The following SLC11A2 variants were observed in gnomAD, a reference collection of about 807,000 sequenced individuals.
The protein encoded by SLC11A2 is solute carrier family 11 member 2.
SLC11A2 carries 38 observed loss-of-function variants against 68.0 expected under a neutral mutation model. The ratio of observed to expected loss-of-function variants is 0.56; its 90% CI spans 0.43 to 0.73. The LOEUF is 0.73. Ranked by LOEUF, SLC11A2 falls within the 30% of genes least tolerant of loss-of-function variation. The pLI, the probability that SLC11A2 is intolerant of heterozygous loss-of-function variation, is 0.00. For missense variants in SLC11A2, 517 were observed against 690.5 expected (o/e 0.75, Z 2.82); for synonymous variants, 242 against 250.6 (o/e 0.97, Z 0.32).
chr12:51,008,189 A>T (rs1200831931), intron 3 of SLC11A2: 2 of 344,142 alleles, frequency 5.8e-6, no homozygotes, highest in Non-Finnish European at 1.1e-5. Context: ...TAGATGACAG[A>T]GCAAGACCCT....
chr12:50,982,900 C>T (rs1940173189), downstream of SLC11A2, among the ~76,000 whole-genome samples: 1 of 149,018 alleles, frequency 6.7e-6, no homozygotes, highest in South Asian at 2.1e-4. Context: ...GAGATCATGC[C>T]ACTGCACTCC....
Position 51,010,681 on chromosome 12 carries a change from A to T in SLC11A2, c.34+14T>A. 7.0e-7 allele frequency: 1 copy of T among 1,433,440 alleles called. No homozygotes were observed. The allele number at this position is 1,433,440 out of a possible 1,614,324, so 88.8% of individuals were successfully genotyped here. On this transcript the variant is annotated intron_variant, in intron 2 of 15. Coordinates refer to ENST00000262052, the MANE Select transcript of SLC11A2 (RefSeq NM_000617.3). The stretch of plus-strand genomic sequence containing the variant: ...ACAAATAAAATTAGACAATAACACA[A>T]AGCGGTAAATTACCATCTGACATCT...
chr12:51,010,050 G>A (rs961878941), intron 2 of SLC11A2, among the ~76,000 whole-genome samples: 15 of 151,876 alleles, frequency 9.9e-5, no homozygotes, highest in African/African-American at 3.1e-4. Context: ...CGGGCGTGGC[G>A]GCAGGTGCCT....
At chr12:50,972,843 T>C in the SLC11A2 span, among the ~76,000 whole-genome samples, 2 of 152,240 alleles carry the variant, frequency 1.3e-5, no homozygotes, top group Admixed American at 6.5e-5. Flanking sequence ...CAGGAGATTA[T>C]ATCCCGCGCA....
intron 9 of SLC11A2, among the ~76,000 whole-genome samples, chr12:50,996,458 C>T (rs1470156855): frequency 6.6e-6 from 1 of 151,850 alleles, no homozygotes; most frequent in Non-Finnish European, 1.5e-5. Flanking sequence ...GCCTATAATC[C>T]CAGGTACTCA....
At position 50,991,439 on chromosome 12, in the gene SLC11A2, T is replaced by C. The variant is rs1438189524; in HGVS notation, c.1421+160A>G. On this transcript the variant is annotated intron_variant, in intron 14 of 15. Coordinates refer to ENST00000262052, the MANE Select transcript of SLC11A2 (RefSeq NM_000617.3). ...ACGTGCTTTCTCTTCCTTTACTATA[T>C]TCACAGTTTCCATTCTCTAAGCCAA... 5 of 672,174 alleles carry C rather than the reference T, an allele frequency of 7.4e-6. No individual in the cohort carries two copies. The African/African-American group carries it at 8.9e-5, about 12-fold the overall frequency. The allele number at this position is 672,174 out of a possible 1,614,324, so 41.6% of individuals were successfully genotyped here. A position where few individuals can be genotyped will look rare whatever the true frequency, so the allele number is the denominator to read the frequency against.
downstream of SLC11A2, chr12:50,980,050 A>C: frequency 2.4e-6 from 1 of 417,314 alleles, no homozygotes; most frequent in Non-Finnish European, 4.8e-6. Context: ...ACATGGTGAA[A>C]TCCCGTCTCT....
chr12:50,982,204 T>A (rs1350190230), downstream of SLC11A2, among the ~76,000 whole-genome samples: 1 of 152,204 alleles, frequency 6.6e-6, no homozygotes, highest in Non-Finnish European at 1.5e-5. Flanking sequence ...CCTTTGGCAC[T>A]GGAGCAGAGA....
downstream of SLC11A2, chr12:50,981,886 A>G: frequency 1.4e-6 from 1 of 721,410 alleles, no homozygotes; most frequent in East Asian, 2.8e-5. Flanking sequence ...TAATTAGCAC[A>G]TCAATTTAGG....
intron 9 of SLC11A2, among the ~76,000 whole-genome samples, chr12:50,996,196 C>T (rs923967704): frequency 2.6e-5 from 4 of 152,162 alleles, no homozygotes; most frequent in African/African-American, 4.8e-5. Flanking sequence ...TGTTTGGGCT[C>T]CTTTACTCCT....
chr12:51,020,648 T>A (rs1465269543), intron 1 of SLC11A2, among the ~76,000 whole-genome samples: 1 of 152,200 alleles, frequency 6.6e-6, no homozygotes, highest in Admixed American at 6.5e-5. Context: ...CAGGCCTCTG[T>A]AACCCTGGGT....
At chr12:51,026,101 GTCTT>G in intron 1 of SLC11A2, 13 of 1,096,008 alleles carry the variant, frequency 1.2e-5, no homozygotes, top group Non-Finnish European at 1.4e-5. Flanking sequence ...CCATCTTTGG[GTCTT>G]TCTCTGAATG....
At chr12:50,996,034 T>C (rs1941672622) in intron 9 of SLC11A2, among the ~76,000 whole-genome samples, 1 of 152,186 alleles carries the variant, frequency 6.6e-6, no homozygotes, top group East Asian at 1.9e-4. Context: ...AGAGACTAAA[T>C]GACTACTGAG....
chr12:50,997,914 G>T (rs913426376), intron 8 of SLC11A2, among the ~76,000 whole-genome samples: 3 of 151,596 alleles, frequency 2.0e-5, no homozygotes, highest in Admixed American at 2.0e-4. Context: ...CTTGAACCTG[G>T]GGGTGGAAGT....
At chr12:50,975,286 C>G (rs1939834109), downstream of SLC11A2, among the ~76,000 whole-genome samples, 1 of 152,134 alleles carries the variant, frequency 6.6e-6, no homozygotes, top group Non-Finnish European at 1.5e-5. Context: ...TTATAACAAA[C>G]TGTCTCTCAG....
At chr12:51,010,318 GAACAGCCTGGCC>G (rs1943106779) in intron 2 of SLC11A2, among the ~76,000 whole-genome samples, 1 of 152,104 alleles carries the variant, frequency 6.6e-6, no homozygotes, top group African/African-American at 2.4e-5. Context: ...AGGCATTTGC[GAACAGCCTGGCC>G]AACATGGCGA....
chr12:50,970,354 G>T, the SLC11A2 span: 1 of 747,542 alleles, frequency 1.3e-6, no homozygotes, highest in South Asian at 1.6e-5. Flanking sequence ...TAAATTGTGG[G>T]CTAGTTTCAT....
chr12:50,952,349 T>C, the SLC11A2 span, among the ~76,000 whole-genome samples: 24 of 152,190 alleles, frequency 1.6e-4, no homozygotes, highest in Admixed American at 6.5e-4. Context: ...TGTACTATTC[T>C]GGGGACTTTT....
chr12:50,979,010 T>C (rs1039999236), downstream of SLC11A2, among the ~76,000 whole-genome samples: 1 of 152,224 alleles, frequency 6.6e-6, no homozygotes, highest in East Asian at 1.9e-4. Flanking sequence ...ATTCTGTGTA[T>C]ACATTGTCAG....
Sources: gnomAD v4.1 joint callset for allele counts (sites outside exome capture counted in the v4.1 genomes callset) on GRCh38, gnomAD v4.1.1 for gene constraint, MANE v1.5 for transcripts, NCBI Gene and HGNC (gene_info 2026-07-23, HGNC 2026-07-21) for gene names.